CAMK1D: variants seen among roughly 807,000 people sequenced by gnomAD.
CAMK1D encodes calcium/calmodulin-dependent protein kinase type 1D.
In CAMK1D, 9 loss-of-function variants were observed where a neutral mutation model predicts 47.7. That is an observed-to-expected ratio of 0.19 (90% confidence interval 0.11 to 0.33). The LOEUF (loss-of-function observed/expected upper bound fraction) is 0.33, where lower values mean the gene tolerates loss of function less well. Ranked by LOEUF, CAMK1D falls within the 10% of genes least tolerant of loss-of-function variation. The probability of loss-of-function intolerance (pLI) is 1.00; values close to 1 mark genes in which losing one functional copy is unlikely to be tolerated. For synonymous variants in CAMK1D, 184 were observed against 184.9 expected (o/e 0.99, Z 0.04); for missense variants, 291 against 488.7 (o/e 0.60, Z 3.81).
intron 2 of CAMK1D, among the ~76,000 whole-genome samples, chr10:12,639,819 C>G (rs886164254): frequency 6.6e-5 from 10 of 151,962 alleles, no homozygotes; most frequent in African/African-American, 1.9e-4. Flanking sequence ...ATTTAACAAT[C>G]AAATGACTAA....
At chr10:12,811,269 A>T (rs1263795787) in intron 6 of CAMK1D, among the ~76,000 whole-genome samples, 1 of 152,216 alleles carries the variant, frequency 6.6e-6, no homozygotes, top group Non-Finnish European at 1.5e-5. Context: ...CAACCCTGGG[A>T]TTACCAGTGT....
intron 6 of CAMK1D, among the ~76,000 whole-genome samples, chr10:12,805,296 C>T (rs2053783897): frequency 6.6e-6 from 1 of 151,108 alleles, no homozygotes; most frequent in African/African-American, 2.4e-5. Context: ...CTTTGTCCTT[C>T]AGGGACTTAT....
At chr10:12,701,233 C>T (rs1833506586) in intron 3 of CAMK1D, among the ~76,000 whole-genome samples, 1 of 152,178 alleles carries the variant, frequency 6.6e-6, no homozygotes, top group Middle Eastern at 3.4e-3. Flanking sequence ...CTGCCTCAGT[C>T]TCCCGAGTAG....
chr10:12,814,626 C>A (rs1798612407), intron 7 of CAMK1D, among the ~76,000 whole-genome samples: 1 of 152,138 alleles, frequency 6.6e-6, no homozygotes, highest in African/African-American at 2.4e-5. Flanking sequence ...GCAAAAGGGT[C>A]AAGAGAGCTC....
At chr10:12,712,323 G>A (rs935901695) in intron 3 of CAMK1D, among the ~76,000 whole-genome samples, 3 of 152,188 alleles carry the variant, frequency 2.0e-5, no homozygotes, top group Non-Finnish European at 4.4e-5. Context: ...CTCACAGCTA[G>A]GACAGGCGCA....
rs535439235 is a variant in CAMK1D, at chr10:12,728,973, CAA to C, written c.300-31974_300-31973del. Among the ~76,000 whole-genome samples, 463 of 152,270 alleles carry C rather than the reference CAA, an allele frequency of 3.0e-3. 4 individuals are homozygous for C. The highest frequency in any genetic ancestry group is 0.01 in the African/African-American group (426 of 41,546). On this transcript the variant is annotated intron_variant, in intron 3 of 10. Coordinates refer to ENST00000619168, the MANE Select transcript of CAMK1D (RefSeq NM_153498.4). ...ACGATAACTACTACTAACTCTGTAA[CAA>C]GAGGGAACAAGTTAAAAAAGATGAT... is the stretch of plus-strand genomic sequence containing the variant.
chr10:12,799,626 G>A (rs549678806), intron 6 of CAMK1D, among the ~76,000 whole-genome samples: 2 of 152,132 alleles, frequency 1.3e-5, no homozygotes, highest in African/African-American at 2.4e-5. Context: ...TCCACCCCTC[G>A]TGAGAACTAA....
At chr10:12,417,546 G>A (rs900178272) in intron 1 of CAMK1D, among the ~76,000 whole-genome samples, 1 of 152,192 alleles carries the variant, frequency 6.6e-6, no homozygotes, top group Non-Finnish European at 1.5e-5. Flanking sequence ...TCCGGCTGGG[G>A]TGGGGAGATG....
intron 3 of CAMK1D, among the ~76,000 whole-genome samples, chr10:12,716,134 G>A (rs113896739): frequency 6.6e-6 from 1 of 152,034 alleles, no homozygotes; most frequent in Non-Finnish European, 1.5e-5. Context: ...CCTTCCTGGC[G>A]CCTCTATGAT....
At chr10:12,355,588 G>T (rs1837486579) in intron 1 of CAMK1D, among the ~76,000 whole-genome samples, 1 of 151,966 alleles carries the variant, frequency 6.6e-6, no homozygotes, top group Admixed American at 6.6e-5. Context: ...GGGTTACTTA[G>T]AATTTGAGAG....
At chr10:12,665,517 T>C (rs959183416) in intron 2 of CAMK1D, among the ~76,000 whole-genome samples, 1 of 152,244 alleles carries the variant, frequency 6.6e-6, no homozygotes, top group Non-Finnish European at 1.5e-5. Flanking sequence ...AAATGAATAA[T>C]GTAGTTCTAG....
At chr10:12,459,754 G>C (rs1833368704) in intron 1 of CAMK1D, among the ~76,000 whole-genome samples, 1 of 152,190 alleles carries the variant, frequency 6.6e-6, no homozygotes, top group African/African-American at 2.4e-5. Flanking sequence ...TTTTTACGAT[G>C]AAATGATTAG....
At chr10:12,604,972 C>T (rs1280626722) in intron 2 of CAMK1D, among the ~76,000 whole-genome samples, 1 of 151,886 alleles carries the variant, frequency 6.6e-6, no homozygotes. Context: ...ACTGCAACCT[C>T]TGCCTCCTGG....
chr10:12,350,148 G>A (rs1837308614), intron 1 of CAMK1D, among the ~76,000 whole-genome samples: 1 of 152,110 alleles, frequency 6.6e-6, no homozygotes, highest in African/African-American at 2.4e-5. Context: ...TCAGGGAGCA[G>A]CCCACGCGGG....
chr10:12,524,465 T>C (rs1360071641), intron 1 of CAMK1D, among the ~76,000 whole-genome samples: 2 of 151,958 alleles, frequency 1.3e-5, no homozygotes, highest in African/African-American at 4.8e-5. Flanking sequence ...CCCAGTACTT[T>C]GGGAGGCTGA....
intron 3 of CAMK1D, among the ~76,000 whole-genome samples, chr10:12,757,621 G>A (rs945558576): frequency 6.6e-6 from 1 of 152,180 alleles, no homozygotes; most frequent in Non-Finnish European, 1.5e-5. Flanking sequence ...GTCAGTGCTG[G>A]CTGCCACAAC....
chr10:12,788,635 C>G (rs751922905), intron 5 of CAMK1D, among the ~76,000 whole-genome samples: 14 of 152,230 alleles, frequency 9.2e-5, no homozygotes, highest in Admixed American at 4.6e-4. Flanking sequence ...GCCACTGGGA[C>G]CAGAGTGGCA....
chr10:12,416,288 T>C (rs1022237573), intron 1 of CAMK1D, among the ~76,000 whole-genome samples: 2 of 152,244 alleles, frequency 1.3e-5, no homozygotes, highest in African/African-American at 4.8e-5. Flanking sequence ...GGATTTAACT[T>C]TTTATGGAAT....
intron 1 of CAMK1D, among the ~76,000 whole-genome samples, chr10:12,434,267 G>A (rs1046175145): frequency 6.6e-6 from 1 of 152,226 alleles, no homozygotes; most frequent in Admixed American, 6.5e-5. Flanking sequence ...ATAGCATAGA[G>A]TGTTTGGGGT....
Sources: allele counts gnomAD v4.1 joint callset (sites outside exome capture counted in the v4.1 genomes callset), GRCh38; gene constraint gnomAD v4.1.1; transcripts MANE v1.5; gene names NCBI Gene and HGNC (gene_info 2026-07-23, HGNC 2026-07-21).